Variants in ZEB1 observed in about 807,000 individuals in gnomAD.
ZEB1 encodes the protein zinc finger E-box binding homeobox 1.
Under a neutral mutation model 84.9 loss-of-function variants are expected in ZEB1, and 21 were observed. The observed-to-expected ratio is 0.25, with a 90% CI of 0.18 to 0.36. The LOEUF is 0.36. Among genes scored for constraint, ZEB1 ranks in the 10% least tolerant of loss-of-function variants. The pLI, the probability that ZEB1 is intolerant of heterozygous loss-of-function variation, is 1.00. For missense variants in ZEB1, 1,104 were observed against 1,330.2 expected, an observed-to-expected ratio of 0.83 and a Z score of 2.65; for synonymous variants, 420 against 471.1, an observed-to-expected ratio of 0.89 and a Z score of 1.41.
At chr10:31,445,655 C>T (rs1386097950) in intron 1 of ZEB1, among the ~76,000 whole-genome samples, 7 of 150,750 alleles carry the variant, frequency 4.6e-5, no homozygotes, top group Admixed American at 4.6e-4. Context: ...AAGGCTTTTT[C>T]TGCATCTATT....
chr10:31,489,225 G>C lies in ZEB1; in HGVS notation c.260-6551G>C, dbSNP rs2066157556. On this transcript the variant is annotated intron_variant, in intron 2 of 8. Transcript: ENST00000424869. The stretch of plus-strand genomic sequence containing the variant: ...CTTATCATTATGCAATGTTTTTCTT[G>C]ATCTCTGATAATTTTCTTATCACTG... 4.0e-5 allele frequency among the ~76,000 whole-genome samples: 6 copies of C among 151,162 alleles called. No individual in the cohort carries two copies. In the South Asian group the frequency reaches 1.2e-3, roughly 31 times the overall value.
At chr10:31,406,948 G>A (rs1048279404) in intron 1 of ZEB1, among the ~76,000 whole-genome samples, 26 of 152,052 alleles carry the variant, frequency 1.7e-4, no homozygotes, top group Non-Finnish European at 2.8e-4. Context: ...ATTAAATAGG[G>A]AATCCTTTCC....
intron 2 of ZEB1, among the ~76,000 whole-genome samples, chr10:31,466,241 G>A (rs1245411170): frequency 6.6e-6 from 1 of 152,044 alleles, no homozygotes; most frequent in Non-Finnish European, 1.5e-5. Context: ...AAGAAACAGT[G>A]GATTTGAACA....
chr10:31,517,405 T>C (rs1179096772), intron 6 of ZEB1, among the ~76,000 whole-genome samples: 1 of 151,916 alleles, frequency 6.6e-6, no homozygotes, highest in East Asian at 1.9e-4. Flanking sequence ...TGCATATGGC[T>C]GTGGTCCACC....
chr10:31,439,618 T>C (rs564117614), intron 1 of ZEB1, among the ~76,000 whole-genome samples: 1 of 151,854 alleles, frequency 6.6e-6, no homozygotes, highest in South Asian at 2.1e-4. Flanking sequence ...TAAGATATTA[T>C]AGTGACAAGT....
chr10:31,497,997 T>G (rs2067522128), intron 3 of ZEB1, among the ~76,000 whole-genome samples: 1 of 151,746 alleles, frequency 6.6e-6, no homozygotes, highest in Non-Finnish European at 1.5e-5. Context: ...AGTGTTTATA[T>G]TAAATATTTG....
At chr10:31,486,029 A>G (rs1329377488) in intron 2 of ZEB1, among the ~76,000 whole-genome samples, 1 of 151,840 alleles carries the variant, frequency 6.6e-6, no homozygotes, top group East Asian at 1.9e-4. Flanking sequence ...TTTCTATTTC[A>G]CTCAGATGTA....
At chr10:31,327,860 A>G (rs1298870105) in intron 1 of ZEB1, among the ~76,000 whole-genome samples, 1 of 152,240 alleles carries the variant, frequency 6.6e-6, no homozygotes, top group African/African-American at 2.4e-5. Flanking sequence ...GTTGCTAAAT[A>G]TAATCTGATA....
intron 1 of ZEB1, among the ~76,000 whole-genome samples, chr10:31,331,081 C>CTTTTTTTTTTTTTT (rs548615284): frequency 2.1e-4 from 16 of 77,848 alleles, no homozygotes; most frequent in South Asian, 5.1e-4. Context: ...TTCTTTCTTT[C>CTTTTTTTTTTTTTT]TTTTTTTTTT....
chr10:31,511,362 C>T lies in ZEB1; in HGVS notation c.687+487C>T, dbSNP rs2069983817. Among the ~76,000 whole-genome samples, 6 of 152,184 alleles carry T rather than the reference C, an allele frequency of 3.9e-5. No homozygotes were observed. In the South Asian group the frequency reaches 1.2e-3, roughly 32 times the overall value. The stretch of plus-strand genomic sequence containing the variant: ...TCCCCCGTAGTAAAGGGAGTTGCCT[C>T]CTCTAAAAATCTAAAGTTTAGATTT... On this transcript the variant is annotated intron_variant, in intron 5 of 8. Transcript: ENST00000424869.
intron 1 of ZEB1, among the ~76,000 whole-genome samples, chr10:31,451,178 C>T (rs998958653): frequency 1.3e-5 from 2 of 152,224 alleles, no homozygotes; most frequent in Non-Finnish European, 2.9e-5. Flanking sequence ...TAATTATTTA[C>T]ATTTTCCTAG....
chr10:31,364,719 T>G (rs1311053407), intron 1 of ZEB1, among the ~76,000 whole-genome samples: 1 of 152,176 alleles, frequency 6.6e-6, no homozygotes, highest in East Asian at 1.9e-4. Context: ...ATTCCTCAGG[T>G]CATTCAGGTG....
At chr10:31,351,902 A>G (rs2041373943) in intron 1 of ZEB1, among the ~76,000 whole-genome samples, 1 of 152,210 alleles carries the variant, frequency 6.6e-6, no homozygotes, top group African/African-American at 2.4e-5. Flanking sequence ...CTGATACTTC[A>G]CCAAATACAA....
chr10:31,385,637 C>T (rs538624734), intron 1 of ZEB1, among the ~76,000 whole-genome samples: 13 of 152,134 alleles, frequency 8.5e-5, no homozygotes, highest in Non-Finnish European at 1.6e-4. Flanking sequence ...AGCAGTTCTC[C>T]TGCCTTAGCC....
At chr10:31,382,965 A>G (rs907782719) in intron 1 of ZEB1, among the ~76,000 whole-genome samples, 7 of 152,112 alleles carry the variant, frequency 4.6e-5, no homozygotes, top group African/African-American at 1.7e-4. Flanking sequence ...GAGAAATCTA[A>G]TATTTGCAAG....
chr10:31,470,102 A>G (rs899208368), intron 2 of ZEB1, among the ~76,000 whole-genome samples: 18 of 152,166 alleles, frequency 1.2e-4, no homozygotes, highest in African/African-American at 4.1e-4. Flanking sequence ...ATAAAACCAC[A>G]AAGATGGGGA....
At chr10:31,396,001 T>C (rs1378942405) in intron 1 of ZEB1, among the ~76,000 whole-genome samples, 2 of 152,194 alleles carry the variant, frequency 1.3e-5, no homozygotes, top group South Asian at 2.1e-4. Context: ...TATAGCGTTT[T>C]CTCTAGCTTT....
chr10:31,426,692 C>CA (rs1439318808), intron 1 of ZEB1, among the ~76,000 whole-genome samples: 1 of 152,102 alleles, frequency 6.6e-6, no homozygotes, highest in African/African-American at 2.4e-5. Context: ...TTGTATAGTG[C>CA]CTTTACAACA....
At chr10:31,526,347 C>A (rs1176276497) in intron 8 of ZEB1, among the ~76,000 whole-genome samples, 1 of 152,168 alleles carries the variant, frequency 6.6e-6, no homozygotes, top group Non-Finnish European at 1.5e-5. Flanking sequence ...TCACTGTGCT[C>A]GTTCACTACC....
Sources: allele counts gnomAD v4.1 joint callset (sites outside exome capture counted in the v4.1 genomes callset), GRCh38; gene constraint gnomAD v4.1.1; transcripts MANE v1.5; gene names NCBI Gene and HGNC (gene_info 2026-07-23, HGNC 2026-07-21).